The following DIXDC1 variants were observed in gnomAD, a reference collection of about 807,000 sequenced individuals.
DIXDC1 encodes the protein dixin.
DIXDC1 carries 64 observed loss-of-function variants against 103.1 expected under a neutral mutation model. That is an observed-to-expected ratio of 0.62 (90% confidence interval 0.51 to 0.76). The LOEUF is 0.76. Ranked by LOEUF, DIXDC1 falls within the 30% of genes least tolerant of loss-of-function variation. The pLI, the probability that DIXDC1 is intolerant of heterozygous loss-of-function variation, is 0.00. For synonymous variants in DIXDC1, 266 were observed against 298.5 expected (o/e 0.89, Z 1.12); for missense variants, 759 against 834.2 (o/e 0.91, Z 1.11).
intron 7 of DIXDC1, 42 bp downstream of exon 7, chr11:111,982,529 A>C (rs1555173373): frequency 6.3e-7 from 1 of 1,595,140 alleles, no homozygotes; most frequent in Admixed American, 1.7e-5. Flanking sequence ...ATACCAATTG[A>C]TTATTAAGTC....
chr11:111,968,737 G>A, intron 3 of DIXDC1, 99 bp downstream of exon 3: 1 of 1,239,316 alleles, frequency 8.1e-7, no homozygotes, highest in South Asian at 2.3e-5. Flanking sequence ...AAGATAGAAA[G>A]TCTCCATTCA....
At chr11:111,930,896 C>G (rs1287053488) in intron 2 of DIXDC1, among the ~76,000 whole-genome samples, 1 of 146,916 alleles carries the variant, frequency 6.8e-6, no homozygotes, top group Non-Finnish European at 1.5e-5. Flanking sequence ...TCTTATTGCC[C>G]AGGCTGGAGT....
rs938406732 is a variant in DIXDC1 at position 111,965,529 on chromosome 11, C to T, written c.190+851C>T. On this transcript the variant is annotated intron_variant, in intron 2 of 19. Transcript: ENST00000440460. ...CCAGGTTTGCAACAAGCAGCCCATCCGTGAATACCTCATAGGGACAGTTTA... is the reference window on the plus strand; with the variant it reads ...CCAGGTTTGCAACAAGCAGCCCATCTGTGAATACCTCATAGGGACAGTTTA... Among the ~76,000 whole-genome samples, 6 of 152,110 alleles carry T rather than the reference C, an allele frequency of 3.9e-5. No individual in the cohort carries two copies. The East Asian group carries it at 9.6e-4, about 24-fold the overall frequency.
At chr11:111,949,341 A>G (rs1339846846) in intron 1 of DIXDC1, among the ~76,000 whole-genome samples, 4 of 152,130 alleles carry the variant, frequency 2.6e-5, no homozygotes, top group African/African-American at 7.2e-5. Context: ...GACTTTTCCC[A>G]GTGCTTGTTC....
intron 17 of DIXDC1, among the ~76,000 whole-genome samples, 163 bp from the exon 18 acceptor site, chr11:112,016,528 G>A (rs782763381): frequency 6.6e-6 from 1 of 152,160 alleles, no homozygotes; most frequent in Non-Finnish European, 1.5e-5. Flanking sequence ...TTGTCCTCGT[G>A]GTCCTAGGCA....
upstream of DIXDC1, among the ~76,000 whole-genome samples, chr11:111,934,815 T>A (rs1966142744): frequency 6.6e-6 from 1 of 152,342 alleles, no homozygotes; most frequent in East Asian, 1.9e-4. Context: ...AGAGGCAGAC[T>A]ATGTAAAATA....
At position 112,019,106 on chromosome 11, in the gene DIXDC1, T is replaced by A; in HGVS notation, c.*70T>A. Reference sequence around the variant, plus strand: ...GGCTGCTTCACTCAGGAAAGGGAACTAAAACCAGAATACACTAAGAAGTTT... The same window carrying A: ...GGCTGCTTCACTCAGGAAAGGGAACAAAAACCAGAATACACTAAGAAGTTT... On this transcript the variant is annotated 3_prime_UTR_variant, in exon 20 of 20. Transcript: ENST00000440460. The A allele has an allele frequency of 1.5e-6, 2 of 1,357,694 alleles. No homozygotes were observed. The highest frequency in any genetic ancestry group is 2.1e-6 in the Non-Finnish European group (2 of 962,816). The allele number at this position is 1,357,694 out of a possible 1,614,324, so 84.1% of individuals were successfully genotyped here.
intron 17 of DIXDC1, among the ~76,000 whole-genome samples, chr11:112,003,187 A>ACAATAAATTG (rs1861121528): frequency 6.6e-6 from 1 of 152,132 alleles, no homozygotes; most frequent in South Asian, 2.1e-4. Context: ...TAGGGTGACT[A>ACAATAAATTG]TAGTAGAATT....
chr11:112,014,725 C>G (rs1314266700), intron 17 of DIXDC1, among the ~76,000 whole-genome samples: 1 of 152,128 alleles, frequency 6.6e-6, no homozygotes, highest in African/African-American at 2.4e-5. Flanking sequence ...ATCGAACACA[C>G]AGTAGGTAAT....
intron 8 of DIXDC1, among the ~76,000 whole-genome samples, chr11:111,985,572 C>T (rs1388490678): frequency 3.3e-5 from 5 of 152,150 alleles, no homozygotes; most frequent in African/African-American, 4.8e-5. Context: ...ATCTAAGACC[C>T]GACCCTTATG....
At position 111,967,711 on chromosome 11, in the gene DIXDC1, C is replaced by T. The variant is rs145234299; in HGVS notation, c.191-802C>T. Among the ~76,000 whole-genome samples the T allele has an allele frequency of 1.2e-3, 189 of 152,332 alleles. 1 individual carries two copies. Among genetic ancestry groups the T allele is most frequent in the African/African-American group, 4.1e-3 (172 of 41,572 alleles). On this transcript the variant is annotated intron_variant, in intron 2 of 19. Coordinates refer to ENST00000440460, the MANE Select transcript of DIXDC1 (RefSeq NM_001037954.4). ...CTTCCCAAAGTGCTAGGATTACGGG[C>T]GCGGGCGTAAGCCATGGCACCCTGC...
intron 1 of DIXDC1, among the ~76,000 whole-genome samples, chr11:111,946,331 A>T (rs1335721616): frequency 6.6e-6 from 1 of 152,030 alleles, no homozygotes; most frequent in African/African-American, 2.4e-5. Flanking sequence ...GATGGTCTCG[A>T]TCTCCTGACC....
chr11:111,977,462 C>T lies in DIXDC1; in HGVS notation c.656+2479C>T. Reference sequence around the variant, plus strand: ...GTCCGCGGAGGCCAAGATGCAGCGGCCAGGGGCCGGCAGCCTGCGAGGGGA... The same window carrying T: ...GTCCGCGGAGGCCAAGATGCAGCGGTCAGGGGCCGGCAGCCTGCGAGGGGA... On this transcript the variant is annotated intron_variant, in intron 5 of 19. Transcript: ENST00000440460. The surrounding 1 kb of genome is among the most constrained non-coding windows in gnomAD (Gnocchi z 6.1). 3 of 1,283,606 alleles carry T rather than the reference C, an allele frequency of 2.3e-6. No homozygotes were observed. Among genetic ancestry groups the T allele is most frequent in the East Asian group, 8.2e-5 (2 of 24,360 alleles). The allele number at this position is 1,283,606 out of a possible 1,614,324, so 79.5% of individuals were successfully genotyped here.
At chr11:111,953,193 G>T (rs1383173247) in intron 1 of DIXDC1, among the ~76,000 whole-genome samples, 1 of 152,226 alleles carries the variant, frequency 6.6e-6, no homozygotes, top group East Asian at 1.9e-4. Flanking sequence ...ATATAAACTG[G>T]AAACTAATGA....
At position 111,963,526 on chromosome 11, in the gene DIXDC1, C is replaced by T. The variant is rs151072862; in HGVS notation, c.61-1023C>T. 2.6e-3 allele frequency among the ~76,000 whole-genome samples: 402 copies of T among 152,308 alleles called. 1 individual carries two copies. The highest frequency in any genetic ancestry group is 4.4e-3 in the Non-Finnish European group (298 of 68,012). ...AAGGAAGTACTTGGGGCTTAGGAAT[C>T]AACTGTATTTTAACCAAATTATAAA... On this transcript the variant is annotated intron_variant, in intron 1 of 19. Transcript: ENST00000440460.
At chr11:111,928,381 C>T (rs187386632) in intron 1 of DIXDC1, 2 of 152,066 alleles carry the variant, frequency 1.3e-5, no homozygotes, top group South Asian at 2.1e-4. Context: ...GAAACCCTGT[C>T]TCTACTAAAA....
At chr11:111,978,829 A>G (rs1860206702) in intron 5 of DIXDC1, among the ~76,000 whole-genome samples, 2 of 152,206 alleles carry the variant, frequency 1.3e-5, no homozygotes, top group Admixed American at 1.3e-4. Context: ...GCCGCTTTCT[A>G]CACTTGGATT....
chr11:112,012,556 C>T (rs587766982), intron 17 of DIXDC1, among the ~76,000 whole-genome samples: 2 of 152,162 alleles, frequency 1.3e-5, no homozygotes, highest in South Asian at 4.2e-4. Context: ...AAATCAACTC[C>T]AAATGGATAA....
chr11:111,975,155 T>C (rs972170307), intron 5 of DIXDC1, 172 bp downstream of exon 5: 1 of 1,416,460 alleles, frequency 7.1e-7, no homozygotes, highest in South Asian at 1.4e-5. Context: ...AGTAGGAGGG[T>C]AGGAAGGTAG....
Sources: gnomAD v4.1 joint callset for allele counts (sites outside exome capture counted in the v4.1 genomes callset) on GRCh38, gnomAD v4.1.1 for gene constraint, Gnocchi (gnomAD v3.1) non-coding constraint, MANE v1.5 for transcripts, NCBI Gene and HGNC (gene_info 2026-07-23, HGNC 2026-07-21) for gene names.